The following ZNF329 variants were observed in gnomAD, a reference collection of about 807,000 sequenced individuals.
ZNF329 encodes zinc finger protein 329.
A neutral mutation model predicts 26.6 loss-of-function variants in ZNF329; 15 were observed. That is an observed-to-expected ratio of 0.56 (90% CI 0.38 to 0.87). The LOEUF (loss-of-function observed/expected upper bound fraction) is 0.87. ZNF329 is among the 40% of genes least tolerant of loss of function. The probability of loss-of-function intolerance (pLI) is 0.00; values close to 1 mark genes in which losing one functional copy is unlikely to be tolerated. For missense variants in ZNF329, 651 were observed against 651.9 expected, an observed-to-expected ratio of 1.00 and a Z score of 0.02; for synonymous variants, 239 against 233.5, an observed-to-expected ratio of 1.02 and a Z score of -0.21.
chr19:58,147,859 C>A (rs1353938546), intron 1 of ZNF329, among the ~76,000 whole-genome samples: 1 of 151,070 alleles, frequency 6.6e-6, no homozygotes, highest in Non-Finnish European at 1.5e-5. Context: ...AAGTGAGGAG[C>A]CCCTATGCCC....
intron 1 of ZNF329, among the ~76,000 whole-genome samples, chr19:58,145,568 C>T (rs566663634): frequency 6.6e-6 from 1 of 151,882 alleles, no homozygotes; most frequent in Non-Finnish European, 1.5e-5. Context: ...GTGATCTACC[C>T]GCCTCAGCTT....
chr19:58,129,562 A>G (rs531515185), intron 3 of ZNF329, 51 bp from the exon 4 acceptor site: 1 of 1,456,614 alleles, frequency 6.9e-7, no homozygotes, highest in Non-Finnish European at 9.3e-7. Context: ...TTTATCTGTA[A>G]GAGAAACAGA....
chr19:58,134,217 G>A (rs1217671277), intron 3 of ZNF329, among the ~76,000 whole-genome samples: 1 of 152,132 alleles, frequency 6.6e-6, no homozygotes, highest in Non-Finnish European at 1.5e-5. Context: ...TAATGCACAG[G>A]ATGGACTTCC....
intron 1 of ZNF329, among the ~76,000 whole-genome samples, chr19:58,146,924 G>C (rs2075324517): frequency 6.6e-6 from 1 of 152,118 alleles, no homozygotes; most frequent in Non-Finnish European, 1.5e-5. Flanking sequence ...CCAGCCACCT[G>C]CCTTGGCCTC....
At chr19:58,146,018 AAGG>A (rs1895804961) in intron 1 of ZNF329, among the ~76,000 whole-genome samples, 1 of 152,172 alleles carries the variant, frequency 6.6e-6, no homozygotes, top group Non-Finnish European at 1.5e-5. Flanking sequence ...AAAAAAAAGA[AAGG>A]AGAGTGCCAT....
rs759741486 is a variant in ZNF329 at position 58,128,234 on chromosome 19, C to T, written c.1270G>A (p.Glu424Lys). 9 of 1,594,828 alleles carry T rather than the reference C, an allele frequency of 5.6e-6. No individual in the cohort carries two copies. Among genetic ancestry groups the T allele is most frequent in the Admixed American group, 5.2e-5 (3 of 57,920 alleles). ...LIRHQRIHTG[E>K]KPYGCNQCQK... ...CACTGGTTGCAGCCATAGGGCTTCT[C>T]GCCAGTATGAATCCTCTGATGCCTG... Residue 424 changes from glutamate to lysine, a missense_variant, in exon 4 of 4, where the codon GAG becomes AAG. Glu to Lys is a moderately conservative substitution (Grantham distance 56). Transcript: ENST00000598312.
chr19:58,147,120 G>A (rs1373807062), intron 1 of ZNF329, among the ~76,000 whole-genome samples: 20 of 148,162 alleles, frequency 1.3e-4, no homozygotes, highest in African/African-American at 2.8e-4. Flanking sequence ...GTCTCTGCCC[G>A]GCCGCCCATC....
chr19:58,140,901 C>A (rs1189521682), intron 3 of ZNF329, among the ~76,000 whole-genome samples: 1 of 122,048 alleles, frequency 8.2e-6, no homozygotes, highest in African/African-American at 3.3e-5. Flanking sequence ...GAGTTAGAAT[C>A]TCACTCTGTC....
chr19:58,136,051 T>C (rs1341894825), intron 3 of ZNF329, among the ~76,000 whole-genome samples: 2 of 151,660 alleles, frequency 1.3e-5, no homozygotes, highest in Non-Finnish European at 2.9e-5. Context: ...GCCAATATAG[T>C]GAAACCCCAT....
rs1469768708 is a variant in ZNF329 at position 58,150,748 on chromosome 19, T to C, written c.-208+4A>G. The C allele has an allele frequency of 6.5e-6, 1 of 152,720 alleles. No homozygotes were observed. The highest frequency in any genetic ancestry group is 2.4e-5 in the African/African-American group (1 of 41,470). 9.5% of individuals were successfully genotyped at this position (152,720 alleles called of 1,614,324 possible). ...GCAGGGCTCAGGGATGCGTCGGCAC[T>C]TACGGTTGGCGGCCGGCGGCAGCCA... On this transcript the variant is annotated splice_donor_region_variant and intron_variant, in intron 1 of 3. Transcript: ENST00000598312.
rs948277194 is a variant in ZNF329 at position 58,126,726 on chromosome 19, T to G, written c.*1152A>C. 2 of 152,280 alleles carry G rather than the reference T, an allele frequency of 1.3e-5. No individual in the cohort carries two copies. Among genetic ancestry groups the G allele is most frequent in the Non-Finnish European group, 2.9e-5 (2 of 68,122 alleles). The allele number at this position is 152,280 out of a possible 1,614,324, so 9.4% of individuals were successfully genotyped here. ...TGGAGTGCAGTGGTGCGATCTTAGC[T>G]CACTGCAACCTCCACCTCCCAGGTT... On this transcript the variant is annotated 3_prime_UTR_variant, in exon 4 of 4. Transcript: ENST00000598312.
At chr19:58,153,310 T>A (rs1007947363), upstream of ZNF329, among the ~76,000 whole-genome samples, 2 of 152,012 alleles carry the variant, frequency 1.3e-5, no homozygotes, top group African/African-American at 4.8e-5. Context: ...GGGTTTCACC[T>A]TGTTGGCCAG....
chr19:58,128,953 A>C lies in ZNF329; in HGVS notation c.551T>G (p.Phe184Cys), dbSNP rs1171527118. ...SYEGKNFENI[F>C]TLSSSLNENQ... ...TTCATTAAGCGATGAGCTCAGAGTA[A>C]AGATGTTCTCAAAATTCTTACCTTC... is the stretch of plus-strand genomic sequence containing the variant. The change falls in exon 4 of 4, where the codon TTT becomes TGT. Residue 184 changes from phenylalanine to cysteine, a missense_variant. Transcript: ENST00000598312. The C allele has an allele frequency of 5.6e-6, 9 of 1,613,554 alleles. No homozygotes were observed. Among genetic ancestry groups the C allele is most frequent in the South Asian group, 5.5e-5 (5 of 91,040 alleles).
chr19:58,133,089 G>T (rs930823986), intron 3 of ZNF329, among the ~76,000 whole-genome samples: 1 of 152,200 alleles, frequency 6.6e-6, no homozygotes, highest in African/African-American at 2.4e-5. Context: ...TGGGATTACA[G>T]GCGTGAGCCA....
chr19:58,134,432 G>A (rs977437315), intron 3 of ZNF329, among the ~76,000 whole-genome samples: 5 of 152,188 alleles, frequency 3.3e-5, no homozygotes, highest in African/African-American at 1.2e-4. Context: ...AAATATAAAT[G>A]GCCTTGATGG....
chr19:58,137,352 G>A (rs891968393), intron 3 of ZNF329, among the ~76,000 whole-genome samples: 2 of 152,034 alleles, frequency 1.3e-5, no homozygotes, highest in African/African-American at 2.4e-5. Flanking sequence ...TCAGGCATTC[G>A]AGACCAGCCT....
rs2074988973 is a variant in ZNF329 at position 58,133,263 on chromosome 19, C to T, written c.-8-3752G>A. ...TGAAGGAAAAAATCTATCAGTCACA[C>T]TATTGTTCAAGAGCAAAGGTGAGAT... On this transcript the variant is annotated intron_variant, in intron 3 of 3. Transcript: ENST00000598312. 2.0e-5 allele frequency among the ~76,000 whole-genome samples: 3 copies of T among 152,306 alleles called. No homozygotes were observed. The South Asian group carries it at 6.2e-4, about 32-fold the overall frequency.
intron 3 of ZNF329, among the ~76,000 whole-genome samples, chr19:58,137,809 C>CAAAAAAAAAAAA (rs72295173): frequency 2.8e-3 from 209 of 75,768 alleles, no homozygotes; most frequent in Middle Eastern, 0.022. Context: ...ACAAAAAATA[C>CAAAAAAAAAAAA]AAAAAAAAAA....
intron 3 of ZNF329, among the ~76,000 whole-genome samples, chr19:58,141,203 C>T (rs1288494292): frequency 6.7e-6 from 1 of 150,104 alleles, no homozygotes; most frequent in Non-Finnish European, 1.5e-5. Context: ...ACTATATGGG[C>T]CAGGCTGGTC....
Sources: allele counts gnomAD v4.1 joint callset (sites outside exome capture counted in the v4.1 genomes callset), GRCh38; gene constraint gnomAD v4.1.1; transcripts MANE v1.5; gene names NCBI Gene and HGNC (gene_info 2026-07-23, HGNC 2026-07-21).